FGF14: variants seen among roughly 807,000 people sequenced by gnomAD.
FGF14 encodes the protein fibroblast growth factor homologous factor 4.
FGF14 carries 5 observed loss-of-function variants against 25.5 expected under a neutral mutation model. The ratio of observed to expected loss-of-function variants is 0.20; its 90% CI spans 0.10 to 0.41. The LOEUF is 0.41. Ranked by LOEUF, FGF14 falls within the 10% of genes least tolerant of loss-of-function variation. FGF14 has a pLI of 1.00. For synonymous variants in FGF14, 138 were observed against 118.3 expected, an observed-to-expected ratio of 1.17 and a Z score of -1.08; for missense variants, 222 against 320.1, an observed-to-expected ratio of 0.69 and a Z score of 2.34.
rs2041467233 is a variant in FGF14 at position 101,810,895 on chromosome 13, T to A, written c.408+57830A>T. On this transcript the variant is annotated intron_variant, in intron 3 of 4. Coordinates refer to ENST00000376143, the MANE Select transcript of FGF14 (RefSeq NM_004115.4). ...AAAAGCATGGGTCCTAACTTGGGTA[T>A]GACACTTAATCTTTACTGGTTTCAC... Among the ~76,000 whole-genome samples the A allele has an allele frequency of 2.0e-5, 3 of 152,142 alleles. No homozygotes were observed. The South Asian group carries it at 6.2e-4, about 32-fold the overall frequency.
chr13:101,978,757 T>C (rs1366077645), intron 1 of FGF14, among the ~76,000 whole-genome samples: 2 of 152,192 alleles, frequency 1.3e-5, no homozygotes, highest in South Asian at 2.1e-4. Context: ...AATTACCTCT[T>C]ATCAGGCCAC....
chr13:101,760,518 T>G (rs369516110), intron 3 of FGF14, among the ~76,000 whole-genome samples: 188 of 152,308 alleles, frequency 1.2e-3, no homozygotes, highest in African/African-American at 4.3e-3. Flanking sequence ...TTCCAGTGTT[T>G]CACGTGCTCA....
At chr13:101,751,480 T>C (rs1210878856) in intron 3 of FGF14, among the ~76,000 whole-genome samples, 2 of 152,152 alleles carry the variant, frequency 1.3e-5, no homozygotes, top group African/African-American at 4.8e-5. Flanking sequence ...ACTGATGTCT[T>C]AATAAGTTCC....
chr13:101,968,528 C>G (rs1274409378), intron 1 of FGF14, among the ~76,000 whole-genome samples: 2 of 151,978 alleles, frequency 1.3e-5, no homozygotes, highest in African/African-American at 4.8e-5. Context: ...AAAAAATTAG[C>G]CAGGCGTGGT....
At chr13:101,793,058 A>C (rs542261513) in intron 3 of FGF14, among the ~76,000 whole-genome samples, 2 of 152,128 alleles carry the variant, frequency 1.3e-5, no homozygotes, top group African/African-American at 2.4e-5. Context: ...GGAGATGTAC[A>C]TTACTCAGTT....
intron 1 of FGF14, among the ~76,000 whole-genome samples, chr13:102,043,406 G>T (rs959471239): frequency 6.6e-6 from 1 of 152,220 alleles, no homozygotes; most frequent in East Asian, 1.9e-4. Flanking sequence ...CAAACAACAG[G>T]TTTCATCCAA....
intron 1 of FGF14, among the ~76,000 whole-genome samples, chr13:101,922,252 G>A (rs943273862): frequency 3.9e-5 from 6 of 152,252 alleles, no homozygotes; most frequent in African/African-American, 1.4e-4. Flanking sequence ...TAAGCACCAA[G>A]ACACCTAAAA....
intron 1 of FGF14, among the ~76,000 whole-genome samples, chr13:102,054,393 T>C (rs375674717): frequency 5.8e-4 from 89 of 152,340 alleles, no homozygotes; most frequent in Non-Finnish European, 1.1e-3. Flanking sequence ...TTACTAAAGC[T>C]ATTTTGTAAT....
rs376044730 is a variant in FGF14 at position 102,064,748 on chromosome 13, A to C, written c.209-189452T>G. Among the ~76,000 whole-genome samples, 46 of 152,102 alleles carry C rather than the reference A, an allele frequency of 3.0e-4. No individual in the cohort carries two copies. The South Asian group carries it at 5.2e-3, about 17-fold the overall frequency. Reference sequence around the variant, plus strand: ...AAAATAATAAAAGTAAAAAACAATAAAGTATAACAATAATTTACAAAGTGT... The same window carrying C: ...AAAATAATAAAAGTAAAAAACAATACAGTATAACAATAATTTACAAAGTGT... On this transcript the variant is annotated intron_variant, in intron 1 of 4. Transcript: ENST00000376131.
intron 3 of FGF14, among the ~76,000 whole-genome samples, chr13:101,844,017 AG>A (rs1434461209): frequency 6.6e-6 from 1 of 152,040 alleles, no homozygotes; most frequent in African/African-American, 2.4e-5. Context: ...TGGACAAGAT[AG>A]AAAGTGATTA....
chr13:101,945,667 T>C (rs954917961), intron 1 of FGF14, among the ~76,000 whole-genome samples: 10 of 152,214 alleles, frequency 6.6e-5, no homozygotes, highest in Non-Finnish European at 1.0e-4. Flanking sequence ...GCCTTCCTTC[T>C]GTCTGCACTC....
intron 3 of FGF14, among the ~76,000 whole-genome samples, chr13:101,734,439 G>A (rs1004094774): frequency 7.9e-5 from 12 of 152,126 alleles, no homozygotes; most frequent in African/African-American, 2.9e-4. Context: ...GTTCTACAAT[G>A]TAAAATCTTT....
chr13:102,040,765 C>T (rs1169858001), intron 1 of FGF14, among the ~76,000 whole-genome samples: 1 of 152,112 alleles, frequency 6.6e-6, no homozygotes, highest in African/African-American at 2.4e-5. Flanking sequence ...TCTGGGCAAT[C>T]AATTTGGGGG....
At chr13:101,893,126 T>C (rs1335430985) in intron 1 of FGF14, among the ~76,000 whole-genome samples, 1 of 152,112 alleles carries the variant, frequency 6.6e-6, no homozygotes, top group Non-Finnish European at 1.5e-5. Flanking sequence ...GAGAGTAATG[T>C]GGGAGGCAGG....
chr13:101,716,180 A>T lies in FGF14; in HGVS notation c.*6651T>A, dbSNP rs79815553. ...AAGGAAAACATGCATATTCACATTA[A>T]TTAATCGATCAGATTTTTCCAGAAT... On this transcript the variant is annotated 3_prime_UTR_variant, in exon 5 of 5. Coordinates refer to ENST00000376143, the MANE Select transcript of FGF14 (RefSeq NM_004115.4). 4.8e-3 allele frequency: 725 copies of T among 152,374 alleles called. 6 individuals carry two copies. The highest frequency in any genetic ancestry group is 9.5e-3 in the Admixed American group (145 of 15,294). The allele number at this position is 152,374 out of a possible 1,614,324, so 9.4% of individuals were successfully genotyped here.
At chr13:102,059,894 G>C (rs1205873900) in intron 1 of FGF14, among the ~76,000 whole-genome samples, 2 of 150,292 alleles carry the variant, frequency 1.3e-5, no homozygotes, top group African/African-American at 4.9e-5. Flanking sequence ...AAGAAAGAAA[G>C]AAAAGAAACA....
chr13:102,329,777 A>C (rs79476984), intron 1 of FGF14, among the ~76,000 whole-genome samples: 4,461 of 151,806 alleles, frequency 0.029, 245 homozygotes, highest in African/African-American at 0.1. Context: ...TACTCCTTTA[A>C]TCTTAACCCT....
In FGF14 at chr13:102,260,016, G is replaced by T. The variant is rs575888077; in HGVS notation, c.208+141455C>A. Among the ~76,000 whole-genome samples the T allele has an allele frequency of 6.6e-5, 10 of 152,288 alleles. No individual in the cohort carries two copies. In the South Asian group the frequency reaches 2.1e-3, roughly 32 times the overall value. ...TCAGGAGATTCATAATGTACATGTT[G>T]GTTAAGGGTGAGCACATCACTAGCG... On this transcript the variant is annotated intron_variant, in intron 1 of 4. Transcript: ENST00000376131.
rs1013305533 is a variant in FGF14 at position 102,400,084 on chromosome 13, C to T, written c.208+1387G>A. On this transcript the variant is annotated intron_variant, in intron 1 of 4. Transcript: ENST00000376131. This position sits in a 1 kb window ranked among gnomAD's most constrained non-coding sequence, Gnocchi z 4.3. ...CCGCACCTCCTCCTCCTCTGCCTCG[C>T]GCTGCACCCGCAGGCGGCAGACCCC... 6.6e-6 allele frequency among the ~76,000 whole-genome samples: 1 copy of T among 152,118 alleles called. No homozygotes were observed. The highest frequency in any genetic ancestry group is 2.4e-5 in the African/African-American group (1 of 41,448).
Sources: allele counts gnomAD v4.1 joint callset (sites outside exome capture counted in the v4.1 genomes callset), GRCh38; gene constraint gnomAD v4.1.1; non-coding constraint Gnocchi (gnomAD v3.1); transcripts MANE v1.5; gene names NCBI Gene and HGNC (gene_info 2026-07-23, HGNC 2026-07-21).